The following C2CD2 variants were observed in gnomAD, a reference collection of about 807,000 sequenced individuals.
C2CD2 encodes the protein C2 calcium dependent domain containing 2.
C2CD2 carries 43 observed loss-of-function variants against 74.3 expected under a neutral mutation model. The ratio of observed to expected loss-of-function variants is 0.58; its 90% CI spans 0.45 to 0.75. The LOEUF (loss-of-function observed/expected upper bound fraction) is 0.75. Ranked by LOEUF, C2CD2 falls within the 30% of genes least tolerant of loss-of-function variation. C2CD2 has a pLI of 0.00. For missense variants in C2CD2, 801 were observed against 916.3 expected (o/e 0.87, Z 1.63); for synonymous variants, 422 against 390.7 (o/e 1.08, Z -0.94).
chr21:41,942,898 G>C (rs2065367097), intron 1 of C2CD2: 8 of 933,782 alleles, frequency 8.6e-6, no homozygotes, highest in Non-Finnish European at 1.0e-5. Context: ...CAGCCCTCTG[G>C]AGCCACCTGG....
intron 2 of C2CD2, among the ~76,000 whole-genome samples, chr21:41,922,402 C>T (rs1292870847): frequency 6.6e-6 from 1 of 151,882 alleles, no homozygotes; most frequent in Non-Finnish European, 1.5e-5. Context: ...TGAGCTCAAA[C>T]AATCTTCCCA....
In C2CD2 at chr21:41,889,220, T is replaced by C. The variant is rs1263587250; in HGVS notation, c.1995A>G (p.Lys665=). 2 of 1,613,618 alleles carry C rather than the reference T, an allele frequency of 1.2e-6. No individual in the cohort carries two copies. Among genetic ancestry groups the C allele is most frequent in the Non-Finnish European group, 8.5e-7 (1 of 1,180,024 alleles). ...FLEQPEGSRR[K]GITLTRILNK... ...TCAGGATCCTGGTGAGGGTGATGCC[T>C]TTCCTCCGGGAACCCTCTGGCTGCT... is the stretch of plus-strand genomic sequence containing the variant. The change falls in exon 14 of 14, where the codon AAA becomes AAG. Residue 665 remains lysine (K), a synonymous_variant. Coordinates refer to ENST00000380486, the MANE Select transcript of C2CD2 (RefSeq NM_015500.2).
At chr21:41,920,994 A>T (rs1476956156) in intron 3 of C2CD2, among the ~76,000 whole-genome samples, 2 of 152,196 alleles carry the variant, frequency 1.3e-5, no homozygotes, top group Admixed American at 1.3e-4. Flanking sequence ...CCACGATGCC[A>T]ACTCTTCACC....
intron 10 of C2CD2, among the ~76,000 whole-genome samples, chr21:41,906,522 C>T (rs1601562042): frequency 1.3e-5 from 2 of 152,170 alleles, no homozygotes; most frequent in South Asian, 2.1e-4. Flanking sequence ...CGTGCCACCA[C>T]GCCCAGTTAA....
rs2065189817 is a variant in C2CD2, at chr21:41,924,640, T to C, written c.379-2555A>G. 1.3e-5 allele frequency among the ~76,000 whole-genome samples: 2 copies of C among 152,224 alleles called. No homozygotes were observed. Among genetic ancestry groups the C allele is most frequent in the South Asian group, 4.1e-4 (2 of 4,828 alleles). ...GTTACACGCACCAATGGCATGACAC[T>C]GAGAAAATTCCCTGTCCTTGGTCTC... On this transcript the variant is annotated intron_variant, in intron 2 of 13. Coordinates refer to ENST00000380486, the MANE Select transcript of C2CD2 (RefSeq NM_015500.2). This position sits in a 1 kb window ranked among gnomAD's most constrained non-coding sequence, Gnocchi z 4.4.
intron 8 of C2CD2, 62 bp from the exon 9 acceptor site, chr21:41,907,846 G>C: frequency 6.3e-6 from 10 of 1,594,084 alleles, no homozygotes; most frequent in Non-Finnish European, 7.7e-6. Context: ...CGTGAGGACG[G>C]AAAGGCCCAC....
intron 13 of C2CD2, among the ~76,000 whole-genome samples, chr21:41,897,106 C>T (rs960690691): frequency 1.3e-5 from 2 of 152,212 alleles, no homozygotes; most frequent in African/African-American, 4.8e-5. Flanking sequence ...GACCCCTCAT[C>T]CACCTGGCCC....
rs9285730 is a variant in C2CD2, at chr21:41,903,184, A to T, written c.1433-1435T>A. 4.6e-5 allele frequency among the ~76,000 whole-genome samples: 7 copies of T among 151,956 alleles called. No homozygotes were observed. The highest frequency in any genetic ancestry group is 8.8e-5 in the Non-Finnish European group (6 of 67,972). On this transcript the variant is annotated intron_variant, in intron 11 of 13. Transcript: ENST00000380486. This position sits in a 1 kb window ranked among gnomAD's most constrained non-coding sequence, Gnocchi z 4.5. ...CAGGACCCTCCCAGACTGTGCCCTG[A>T]GCCCCTTCATCTGGCTGTGCATTTG...
chr21:41,951,601 G>A (rs1047658962), intron 1 of C2CD2, among the ~76,000 whole-genome samples: 12 of 152,090 alleles, frequency 7.9e-5, no homozygotes, highest in African/African-American at 1.4e-4. Context: ...CTCCCTGAAC[G>A]CAACCCCTCC....
Position 41,932,586 on chromosome 21 carries a change from C to T in C2CD2, c.378+9561G>A, listed in dbSNP as rs531517789. Among the ~76,000 whole-genome samples, 22 of 150,458 alleles carry T rather than the reference C, an allele frequency of 1.5e-4. No individual in the cohort carries two copies. In the South Asian group the frequency reaches 3.0e-3, roughly 20 times the overall value. ...AGAATGGAGTTGAACTGTAGGACAC[C>T]CAGTTGGCACCAGAGTTGAAGAACT... On this transcript the variant is annotated intron_variant, in intron 2 of 13. Transcript: ENST00000380486.
intron 2 of C2CD2, among the ~76,000 whole-genome samples, chr21:41,933,434 G>A (rs577341314): frequency 3.3e-5 from 5 of 152,264 alleles, no homozygotes; most frequent in Admixed American, 1.3e-4. Flanking sequence ...TGAACTCACC[G>A]AACAGTGTTA....
intron 5 of C2CD2, among the ~76,000 whole-genome samples, chr21:41,916,857 C>T (rs866551589): frequency 2.6e-5 from 4 of 152,118 alleles, no homozygotes; most frequent in Admixed American, 6.5e-5. Flanking sequence ...CAAAAATATA[C>T]GACTGTTTTA....
rs934058879 is a variant in C2CD2 at position 41,926,528 on chromosome 21, T to C, written c.379-4443A>G. On this transcript the variant is annotated intron_variant, in intron 2 of 13. Coordinates refer to ENST00000380486, the MANE Select transcript of C2CD2 (RefSeq NM_015500.2). This position sits in a 1 kb window ranked among gnomAD's most constrained non-coding sequence, Gnocchi z 8.0. Reference sequence around the variant, plus strand: ...GGGAGGCCTTCATTCACCTTCTCGGTGCTCTCTCCAGCCTCAACACCTTGA... The same window carrying C: ...GGGAGGCCTTCATTCACCTTCTCGGCGCTCTCTCCAGCCTCAACACCTTGA... 1.8e-5 allele frequency: 13 copies of C among 718,984 alleles called. No homozygotes were observed. The highest frequency in any genetic ancestry group is 1.3e-4 in the East Asian group (1 of 7,578). 44.5% of individuals were successfully genotyped at this position (718,984 alleles called of 1,614,324 possible).
chr21:41,914,853 G>A (rs565093679), intron 5 of C2CD2, 132 bp from the exon 6 acceptor site: 83 of 679,348 alleles, frequency 1.2e-4, no homozygotes, highest in African/African-American at 1.1e-3. Flanking sequence ...CAGGGAGCCC[G>A]AGCTCTGGGA....
Position 41,899,504 on chromosome 21 carries a change from G to A in C2CD2, c.1561-142C>T, listed in dbSNP as rs73904774. 4,710 of 767,404 alleles carry A rather than the reference G, an allele frequency of 6.1e-3. 159 individuals carry two copies. The African/African-American group carries it at 0.069, about 11-fold the overall frequency. 47.5% of individuals were successfully genotyped at this position (767,404 alleles called of 1,614,324 possible). ...TGCAGCCGTGGGCCTCATAGAAGGCGCTTATACATCACGGCCGTTGCTCAT... is the reference window on the plus strand; with the variant it reads ...TGCAGCCGTGGGCCTCATAGAAGGCACTTATACATCACGGCCGTTGCTCAT... On this transcript the variant is annotated intron_variant, in intron 12 of 13. Coordinates refer to ENST00000380486, the MANE Select transcript of C2CD2 (RefSeq NM_015500.2). This position sits in a 1 kb window ranked among gnomAD's most constrained non-coding sequence, Gnocchi z 4.4.
Position 41,953,729 on chromosome 21 carries a change from C to T in C2CD2, c.-81G>A. Reference sequence around the variant, plus strand: ...GCGGACTCAGGACACGCGCTGGCTGCGGCCACAGCGCGCTGGGGGCGTGGA... The same window carrying T: ...GCGGACTCAGGACACGCGCTGGCTGTGGCCACAGCGCGCTGGGGGCGTGGA... On this transcript the variant is annotated 5_prime_UTR_variant, in exon 1 of 14. Coordinates refer to ENST00000380486, the MANE Select transcript of C2CD2 (RefSeq NM_015500.2). 4.1e-6 allele frequency: 5 copies of T among 1,228,300 alleles called. No homozygotes were observed. Among genetic ancestry groups the T allele is most frequent in the Non-Finnish European group, 5.1e-6 (5 of 978,530 alleles). The allele number at this position is 1,228,300 out of a possible 1,614,324, so 76.1% of individuals were successfully genotyped here.
Position 41,926,395 on chromosome 21 carries a change from G to T in C2CD2, c.379-4310C>A, listed in dbSNP as rs992748013. 4 of 980,042 alleles carry T rather than the reference G, an allele frequency of 4.1e-6. No homozygotes were observed. Among genetic ancestry groups the T allele is most frequent in the Non-Finnish European group, 4.8e-6 (4 of 825,174 alleles). The allele number at this position is 980,042 out of a possible 1,614,324, so 60.7% of individuals were successfully genotyped here. A position where few individuals can be genotyped will look rare whatever the true frequency, so the allele number is the denominator to read the frequency against. ...GTCTCCACATGGAAAGGCCAAGGGG[G>T]GACTCACGGTTGGCAGGTGAGGGTT... On this transcript the variant is annotated intron_variant, in intron 2 of 13. Transcript: ENST00000380486. The surrounding 1 kb of genome is among the most constrained non-coding windows in gnomAD (Gnocchi z 8.0).
rs184751290 is a variant in C2CD2 at position 41,886,333 on chromosome 21, T to G, written c.*2791A>C. ...ATTTTTAGCATTTGGTGGATAATCT[T>G]AATTTATCTTTAACCTTCACAACAT... On this transcript the variant is annotated 3_prime_UTR_variant, in exon 14 of 14. Transcript: ENST00000380486. 6.6e-6 allele frequency: 1 copy of G among 152,366 alleles called. No individual in the cohort carries two copies. The highest frequency in any genetic ancestry group is 2.4e-5 in the African/African-American group (1 of 41,578). 9.4% of individuals were successfully genotyped at this position (152,366 alleles called of 1,614,324 possible).
Position 41,926,370 on chromosome 21 carries a change from G to T in C2CD2, c.379-4285C>A. 1 of 944,494 alleles carries T rather than the reference G, an allele frequency of 1.1e-6. No homozygotes were observed. Among genetic ancestry groups the T allele is most frequent in the Non-Finnish European group, 1.3e-6 (1 of 792,540 alleles). The allele number at this position is 944,494 out of a possible 1,614,324, so 58.5% of individuals were successfully genotyped here. A position where few individuals can be genotyped will look rare whatever the true frequency, so the allele number is the denominator to read the frequency against. ...GGGGGGCTATTCACGGTAAGTCAGG[G>T]TCTCCACATGGAAAGGCCAAGGGGG... On this transcript the variant is annotated intron_variant, in intron 2 of 13. Transcript: ENST00000380486. This position sits in a 1 kb window ranked among gnomAD's most constrained non-coding sequence, Gnocchi z 8.0.
Sources: allele counts gnomAD v4.1 joint callset (sites outside exome capture counted in the v4.1 genomes callset), GRCh38; gene constraint gnomAD v4.1.1; non-coding constraint Gnocchi (gnomAD v3.1); transcripts MANE v1.5; gene names NCBI Gene and HGNC (gene_info 2026-07-23, HGNC 2026-07-21).